The following AOPEP variants were observed in gnomAD, a reference collection of about 807,000 sequenced individuals.
The protein encoded by AOPEP is aminopeptidase O (putative), also known as aminopeptidase O.
Under a neutral mutation model 98.1 loss-of-function variants are expected in AOPEP, and 77 were observed. That is an observed-to-expected ratio of 0.78 (90% CI 0.65 to 0.95). The LOEUF is 0.95. Among genes scored for constraint, AOPEP ranks in the 40% least tolerant of loss-of-function variants. AOPEP has a pLI of 0.00. For missense variants in AOPEP, 1,024 were observed against 1,024.7 expected (o/e 1.00, Z 0.01); for synonymous variants, 346 against 365.3 (o/e 0.95, Z 0.60).
chr9:94,915,491 A>G (rs1588869490), intron 5 of AOPEP, among the ~76,000 whole-genome samples: 1 of 152,064 alleles, frequency 6.6e-6, no homozygotes, highest in East Asian at 1.9e-4. Context: ...GGTTGACAGT[A>G]TGGCGGTCTG....
intron 11 of AOPEP, among the ~76,000 whole-genome samples, chr9:94,985,996 T>C (rs2060492164): frequency 6.6e-6 from 1 of 152,350 alleles, no homozygotes; most frequent in Middle Eastern, 3.4e-3. Flanking sequence ...TTAATTTCCT[T>C]TATTTTTGGC....
At chr9:95,117,723 A>ATTTTTTTTTTTTTTTTTTTTT in the AOPEP span, among the ~76,000 whole-genome samples, 1 of 136,822 alleles carries the variant, frequency 7.3e-6, no homozygotes, top group Non-Finnish European at 1.6e-5. Flanking sequence ...GTATTTCAGC[A>ATTTTTTTTTTTTTTTTTTTTT]TTTTTTTTTT....
chr9:94,925,933 C>T (rs763329843), intron 6 of AOPEP, among the ~76,000 whole-genome samples: 14 of 152,204 alleles, frequency 9.2e-5, no homozygotes, highest in Non-Finnish European at 2.1e-4. Flanking sequence ...GTGCCTGACA[C>T]GTGGAGAATG....
At chr9:95,018,160 T>C (rs770986944) in intron 13 of AOPEP, among the ~76,000 whole-genome samples, 3 of 152,194 alleles carry the variant, frequency 2.0e-5, no homozygotes, top group Non-Finnish European at 2.9e-5. Flanking sequence ...AGGCATTGAA[T>C]GGCTTGGCTA....
At chr9:94,950,217 G>C (rs2058002354) in intron 7 of AOPEP, among the ~76,000 whole-genome samples, 1 of 152,172 alleles carries the variant, frequency 6.6e-6, no homozygotes, top group African/African-American at 2.4e-5. Flanking sequence ...GTCTTTGCCT[G>C]TCAGAGGAAG....
rs139469846 is a variant in AOPEP at position 94,833,483 on chromosome 9, C to T, written c.1364+32481C>T. Among the ~76,000 whole-genome samples, 802 of 152,002 alleles carry T rather than the reference C, an allele frequency of 5.3e-3. 12 individuals are homozygous for T. Among genetic ancestry groups the T allele is most frequent in the South Asian group, 0.044 (211 of 4,800 alleles). On this transcript the variant is annotated intron_variant, in intron 5 of 16. Transcript: ENST00000375315. ...AACTCCTGACCTCAGGTGATGCACC[C>T]GCCTTAGCCTCCCAAAGTGCTGGGA...
the AOPEP span, among the ~76,000 whole-genome samples, chr9:95,114,932 A>G: frequency 6.6e-6 from 1 of 152,284 alleles, no homozygotes; most frequent in East Asian, 1.9e-4. Flanking sequence ...AAAGAATCTA[A>G]TCTTTTAATT....
chr9:94,856,752 T>C (rs1365429180), intron 5 of AOPEP, among the ~76,000 whole-genome samples: 1 of 151,894 alleles, frequency 6.6e-6, no homozygotes, highest in Non-Finnish European at 1.5e-5. Context: ...ACTCATAGGA[T>C]AGATTCATAG....
chr9:95,106,361 T>C, the AOPEP span, among the ~76,000 whole-genome samples: 2 of 152,274 alleles, frequency 1.3e-5, no homozygotes, highest in Non-Finnish European at 2.9e-5. Context: ...TTCTGAATAC[T>C]AAACTCTAAT....
intron 5 of AOPEP, among the ~76,000 whole-genome samples, chr9:94,858,665 T>C (rs1325474084): frequency 6.6e-6 from 1 of 152,134 alleles, no homozygotes; most frequent in East Asian, 1.9e-4. Flanking sequence ...AACTCACTGA[T>C]GTGATGGGAT....
chr9:94,934,494 A>G (rs2055945276), intron 7 of AOPEP: 1 of 151,328 alleles, frequency 6.6e-6, no homozygotes, highest in African/African-American at 2.4e-5. Context: ...TCCTATCCTT[A>G]ATAATCTCTC....
intron 13 of AOPEP, among the ~76,000 whole-genome samples, chr9:95,035,366 A>G (rs769291262): frequency 3.3e-5 from 5 of 152,092 alleles, no homozygotes; most frequent in Non-Finnish European, 7.4e-5. Flanking sequence ...GTTTGATGCA[A>G]TCAAGTTCAG....
chr9:94,773,212 G>A lies in AOPEP; in HGVS notation c.964+44G>A, dbSNP rs774972874. 1.6e-5 allele frequency: 24 copies of A among 1,528,524 alleles called. No individual in the cohort carries two copies. In the Middle Eastern group the frequency reaches 8.7e-4, roughly 55 times the overall value. 94.7% of individuals were successfully genotyped at this position (1,528,524 alleles called of 1,614,324 possible). The stretch of plus-strand genomic sequence containing the variant: ...TTGCTTATTTATGTATTGCACACAT[G>A]TGGACCCAGGAACCCAATAAACAGT... On this transcript the variant is annotated intron_variant, in intron 3 of 16. Coordinates refer to ENST00000375315, the MANE Select transcript of AOPEP (RefSeq NM_001193329.3).
chr9:94,993,046 A>G (rs1395556014), intron 11 of AOPEP, among the ~76,000 whole-genome samples: 1 of 152,222 alleles, frequency 6.6e-6, no homozygotes, highest in African/African-American at 2.4e-5. Context: ...GTAATAATCA[A>G]TCTACAAAAG....
intron 3 of AOPEP, among the ~76,000 whole-genome samples, chr9:94,778,479 A>G (rs1481656500): frequency 4.6e-5 from 7 of 152,138 alleles, no homozygotes; most frequent in African/African-American, 1.4e-4. Flanking sequence ...ACCTGCAACA[A>G]TATGGATGAA....
intron 13 of AOPEP, among the ~76,000 whole-genome samples, chr9:95,050,157 A>T (rs1218083122): frequency 6.6e-6 from 1 of 152,226 alleles, no homozygotes. Flanking sequence ...TTATTCAGCT[A>T]TTTGTGCAAA....
rs1853008140 is a variant in AOPEP, at chr9:94,821,144, G to A, written c.1364+20142G>A. Among the ~76,000 whole-genome samples the A allele has an allele frequency of 1.3e-5, 2 of 148,302 alleles. 1 individual carries two copies. Among genetic ancestry groups the A allele is most frequent in the Admixed American group, 1.4e-4 (2 of 14,474 alleles). ...AAATGCAATTTATTTTTCTGGTTAA[G>A]AGAAGTAAGTATTATTTATGCTTTT... On this transcript the variant is annotated intron_variant, in intron 5 of 16. Transcript: ENST00000375315.
intron 5 of AOPEP, among the ~76,000 whole-genome samples, chr9:94,819,600 G>A (rs1852523651): frequency 6.6e-6 from 1 of 152,092 alleles, no homozygotes; most frequent in African/African-American, 2.4e-5. Context: ...TTAGGGATAG[G>A]ATCTCACTCT....
In AOPEP at chr9:94,857,324, C is replaced by T. The variant is rs117997309; in HGVS notation, c.1364+56322C>T. ...CCATGTTTTAACTGCTGCGAATTCA[C>T]CTCATGTATGTTCATCTTAAACTGC... On this transcript the variant is annotated intron_variant, in intron 5 of 16. Coordinates refer to ENST00000375315, the MANE Select transcript of AOPEP (RefSeq NM_001193329.3). Among the ~76,000 whole-genome samples the T allele has an allele frequency of 1.7e-4, 26 of 152,284 alleles. No individual in the cohort carries two copies. In the East Asian group the frequency reaches 4.2e-3, roughly 25 times the overall value.
Sources: gnomAD v4.1 joint callset for allele counts (sites outside exome capture counted in the v4.1 genomes callset) on GRCh38, gnomAD v4.1.1 for gene constraint, MANE v1.5 for transcripts, NCBI Gene and HGNC (gene_info 2026-07-23, HGNC 2026-07-21) for gene names.